Variants in CLMN observed in about 807,000 individuals in gnomAD.
CLMN encodes the protein calmin, also known as calmin (calponin-like, transmembrane).
A neutral mutation model predicts 92.7 loss-of-function variants in CLMN; 57 were observed. The observed-to-expected ratio is 0.61, with a 90% CI of 0.50 to 0.77. The LOEUF is 0.77. Ranked by LOEUF, CLMN falls within the 30% of genes least tolerant of loss-of-function variation. The pLI is 0.00. For missense variants in CLMN, 1,158 were observed against 1,237.5 expected (o/e 0.94, Z 0.96); for synonymous variants, 466 against 470.6 (o/e 0.99, Z 0.13).
chr14:95,232,555 C>T (rs1362152402), intron 1 of CLMN, among the ~76,000 whole-genome samples: 1 of 152,186 alleles, frequency 6.6e-6, no homozygotes, highest in African/African-American at 2.4e-5. Flanking sequence ...GCTTTTCTCT[C>T]AGTTTCCTCC....
chr14:95,260,500 G>C (rs1177319450), intron 1 of CLMN: 1 of 151,712 alleles, frequency 6.6e-6, no homozygotes, highest in Non-Finnish European at 1.5e-5. Flanking sequence ...TTTGTTGAAA[G>C]AATCAAGCAC....
chr14:95,214,165 C>T (rs1043812245), intron 5 of CLMN, among the ~76,000 whole-genome samples: 4 of 151,938 alleles, frequency 2.6e-5, no homozygotes, highest in African/African-American at 9.7e-5. Context: ...ACTTTCAGCA[C>T]CTGGCATCTT....
At position 95,202,024 on chromosome 14, in the gene CLMN, G is replaced by A. The variant is rs140330494; in HGVS notation, c.2511+814C>T. 8.9e-3 allele frequency among the ~76,000 whole-genome samples: 1,349 copies of A among 152,284 alleles called. 20 individuals are homozygous for A. Among genetic ancestry groups the A allele is most frequent in the African/African-American group, 0.031 (1,276 of 41,550 alleles). ...TTCCATGTCTTTGCTATTGTAAATA[G>A]TGTTGCAATAAACATATGTGTGCAT... is the stretch of plus-strand genomic sequence containing the variant. On this transcript the variant is annotated intron_variant, in intron 9 of 12. Transcript: ENST00000298912.
intron 1 of CLMN, among the ~76,000 whole-genome samples, chr14:95,252,760 C>T (rs1235258950): frequency 6.6e-6 from 1 of 152,122 alleles, no homozygotes; most frequent in East Asian, 1.9e-4. Context: ...TGTAATGAAG[C>T]CCCAGTGGAA....
In CLMN at chr14:95,187,402, G is replaced by T. The variant is rs1595543122; in HGVS notation, c.*4162C>A. 1 of 152,528 alleles carries T rather than the reference G, an allele frequency of 6.6e-6. No homozygotes were observed. The highest frequency in any genetic ancestry group is 1.9e-4 in the East Asian group (1 of 5,190). The allele number at this position is 152,528 out of a possible 1,614,324, so 9.4% of individuals were successfully genotyped here. On this transcript the variant is annotated 3_prime_UTR_variant, in exon 13 of 13. Transcript: ENST00000298912. ...GAACTGATGGAAAAGTGAGCAGGGA[G>T]GGGGATCCTAAAACCACATGCCTGC...
intron 1 of CLMN, among the ~76,000 whole-genome samples, chr14:95,258,768 G>A (rs1253097499): frequency 2.0e-5 from 3 of 149,214 alleles, no homozygotes; most frequent in Non-Finnish European, 4.5e-5. Flanking sequence ...GTATGTATCT[G>A]TGGTGTGTGT....
intron 12 of CLMN, chr14:95,192,841 T>C (rs1017106246): frequency 6.5e-6 from 1 of 154,542 alleles, no homozygotes; most frequent in Non-Finnish European, 1.4e-5. Context: ...AAATGCTCAA[T>C]GTAGACAACT....
At chr14:95,208,206 T>C (rs1461934804) in intron 8 of CLMN, among the ~76,000 whole-genome samples, 2 of 152,226 alleles carry the variant, frequency 1.3e-5, no homozygotes, top group African/African-American at 4.8e-5. Context: ...ACTGTTTCCG[T>C]TACTAGAACA....
chr14:95,259,181 G>A lies in CLMN; in HGVS notation c.83-29048C>T, dbSNP rs563506351. ...GTGCTGCATGGCAGGCTGGAGCGGAGAGCTGTGCCGGCCAGCAGGGCTAGG... is the reference window on the plus strand; with the variant it reads ...GTGCTGCATGGCAGGCTGGAGCGGAAAGCTGTGCCGGCCAGCAGGGCTAGG... On this transcript the variant is annotated intron_variant, in intron 1 of 12. Coordinates refer to ENST00000298912, the MANE Select transcript of CLMN (RefSeq NM_024734.4). The surrounding 1 kb of genome is among the most constrained non-coding windows in gnomAD (Gnocchi z 4.3). Among the ~76,000 whole-genome samples the A allele has an allele frequency of 5.9e-5, 9 of 152,178 alleles. No homozygotes were observed. The South Asian group carries it at 1.9e-3, about 32-fold the overall frequency.
At chr14:95,225,259 C>T (rs908074043) in intron 2 of CLMN, among the ~76,000 whole-genome samples, 5 of 152,086 alleles carry the variant, frequency 3.3e-5, no homozygotes, top group Admixed American at 2.0e-4. Flanking sequence ...GAAGCAAGGC[C>T]GTTAGACACA....
At chr14:95,284,927 A>G (rs112011477) in intron 1 of CLMN, among the ~76,000 whole-genome samples, 1,734 of 152,186 alleles carry the variant, frequency 0.011, 33 homozygotes, top group African/African-American at 0.038. Context: ...GGGAGGGGCC[A>G]TGGGTGGAAT....
rs1393640344 is a variant in CLMN, at chr14:95,203,803, C to A, written c.1546G>T (p.Ala516Ser). The change falls in exon 9 of 13, where the codon GCC (alanine) becomes TCC (serine). Residue 516 changes from alanine (A) to serine (S), a missense_variant. Coordinates refer to ENST00000298912, the MANE Select transcript of CLMN (RefSeq NM_024734.4). ...GAGTGACTTTCTTCATCGTGGCGGG[C>A]TGTACTCTCTAAAGCACCATTACAG... ...SSCNGALEST[A>S]RHDEESHSLS... The A allele has an allele frequency of 6.2e-7, 1 of 1,614,064 alleles. No homozygotes were observed. Among genetic ancestry groups the A allele is most frequent in the African/African-American group, 1.3e-5 (1 of 74,914 alleles).
At chr14:95,257,892 G>A (rs1440119937) in intron 1 of CLMN, among the ~76,000 whole-genome samples, 2 of 152,186 alleles carry the variant, frequency 1.3e-5, no homozygotes, top group East Asian at 1.9e-4. Context: ...CTCATTTCCC[G>A]CTTGGTAGAG....
intron 1 of CLMN, among the ~76,000 whole-genome samples, chr14:95,258,636 T>A (rs1899114884): frequency 6.7e-6 from 1 of 148,956 alleles, no homozygotes; most frequent in Admixed American, 6.6e-5. Flanking sequence ...GTGTGGTGTG[T>A]GGTGTGTGTG....
At chr14:95,245,211 T>C (rs865929638) in intron 1 of CLMN, among the ~76,000 whole-genome samples, 304 of 21,780 alleles carry the variant, frequency 0.014, 29 homozygotes, top group African/African-American at 0.024. Context: ...ATATATATTA[T>C]ATATATATAT....
At chr14:95,264,363 C>T (rs1899383533) in intron 1 of CLMN, among the ~76,000 whole-genome samples, 1 of 152,212 alleles carries the variant, frequency 6.6e-6, no homozygotes, top group East Asian at 1.9e-4. Flanking sequence ...AAATCCTCAG[C>T]CAGCCTTGTG....
At chr14:95,274,876 G>C (rs551110800) in intron 1 of CLMN, among the ~76,000 whole-genome samples, 1 of 151,608 alleles carries the variant, frequency 6.6e-6, no homozygotes, top group East Asian at 2.0e-4. Flanking sequence ...CTACTCAGGA[G>C]ACTGAAGCAG....
At chr14:95,234,523 C>T (rs1897989450) in intron 1 of CLMN, among the ~76,000 whole-genome samples, 1 of 152,230 alleles carries the variant, frequency 6.6e-6, no homozygotes, top group Non-Finnish European at 1.5e-5. Context: ...GGCCTTCTCA[C>T]AGAGTGTTTG....
At chr14:95,275,496 T>C (rs551001102) in intron 1 of CLMN, among the ~76,000 whole-genome samples, 9 of 152,126 alleles carry the variant, frequency 5.9e-5, no homozygotes, top group Non-Finnish European at 1.3e-4. Context: ...AGTTACCCCA[T>C]ATGGTCTAAA....
Sources: gnomAD v4.1 joint callset for allele counts (sites outside exome capture counted in the v4.1 genomes callset) on GRCh38, gnomAD v4.1.1 for gene constraint, Gnocchi (gnomAD v3.1) non-coding constraint, MANE v1.5 for transcripts, NCBI Gene and HGNC (gene_info 2026-07-23, HGNC 2026-07-21) for gene names.